The following SPSB4 variants were observed in gnomAD, a reference collection of about 807,000 sequenced individuals.
The protein encoded by SPSB4 is splA/ryanodine receptor domain and SOCS box containing 4, also known as SPRY domain-containing SOCS box protein 4.
A neutral mutation model predicts 20.9 loss-of-function variants in SPSB4; 21 were observed. That is an observed-to-expected ratio of 1.01 (90% CI 0.71 to 1.45). The LOEUF (loss-of-function observed/expected upper bound fraction) is 1.45, where lower values mean the gene tolerates loss of function less well. Among genes scored for constraint, SPSB4 ranks in the 40% most tolerant of loss-of-function variants. The probability of loss-of-function intolerance (pLI) is 0.00; values close to 1 mark genes in which losing one functional copy is unlikely to be tolerated. For synonymous variants in SPSB4, 207 were observed against 183.8 expected (o/e 1.13, Z -1.02); for missense variants, 399 against 399.2 (o/e 1.00, Z 0.00).
At chr3:141,108,397 T>TAG (rs1938734657) in intron 2 of SPSB4, among the ~76,000 whole-genome samples, 1 of 152,174 alleles carries the variant, frequency 6.6e-6, no homozygotes, top group Non-Finnish European at 1.5e-5. Context: ...CCTAATTGTA[T>TAG]TTTGCTCAAA....
chr3:141,054,895 G>A (rs190336198), intron 1 of SPSB4, among the ~76,000 whole-genome samples: 29 of 152,008 alleles, frequency 1.9e-4, no homozygotes, highest in African/African-American at 6.0e-4. Context: ...AACCTGGGAC[G>A]CAGAGCTTGC....
intron 2 of SPSB4, among the ~76,000 whole-genome samples, chr3:141,116,791 A>G (rs1938886704): frequency 6.6e-6 from 1 of 152,260 alleles, no homozygotes; most frequent in Non-Finnish European, 1.5e-5. Flanking sequence ...TTATTGCCAA[A>G]AAAATCAGTT....
At position 141,066,552 on chromosome 3, in the gene SPSB4, T is replaced by A; in HGVS notation, c.448T>A (p.Tyr150Asn). ...CTGGGACCTGGGCCGCAGCCGCCTC[T>A]ACCACGACGGCAAGAACCAGCCCGG... is the stretch of plus-strand genomic sequence containing the variant. ...WGWDLGRSRL[Y>N]HDGKNQPGVA... The change falls in exon 2 of 3, where the codon TAC becomes AAC. Residue 150 changes from tyrosine to asparagine, a missense_variant. Transcript: ENST00000310546. The A allele has an allele frequency of 6.5e-7, 1 of 1,529,416 alleles. No homozygotes were observed. The highest frequency in any genetic ancestry group is 8.8e-7 in the Non-Finnish European group (1 of 1,137,370). The allele number at this position is 1,529,416 out of a possible 1,614,324, so 94.7% of individuals were successfully genotyped here.
intron 1 of SPSB4, among the ~76,000 whole-genome samples, 189 bp downstream of exon 1, chr3:141,052,181 G>C (rs896040337): frequency 6.6e-6 from 1 of 152,200 alleles, no homozygotes; most frequent in Non-Finnish European, 1.5e-5. Context: ...GGCGTTTGGG[G>C]CCCGGCCTTT....
chr3:141,087,033 C>T (rs1938357277), intron 2 of SPSB4, among the ~76,000 whole-genome samples: 1 of 152,174 alleles, frequency 6.6e-6, no homozygotes, highest in Non-Finnish European at 1.5e-5. Context: ...ATAAAGGTGG[C>T]CCAGAGCTTC....
chr3:141,077,809 C>G (rs1938146019), intron 2 of SPSB4, among the ~76,000 whole-genome samples: 1 of 152,156 alleles, frequency 6.6e-6, no homozygotes, highest in Non-Finnish European at 1.5e-5. Context: ...AGTGAGGGCT[C>G]CTTTGGAAGC....
At chr3:141,129,823 A>G (rs1261616562) in intron 2 of SPSB4, among the ~76,000 whole-genome samples, 1 of 152,228 alleles carries the variant, frequency 6.6e-6, no homozygotes, top group Non-Finnish European at 1.5e-5. Context: ...AAGGCCATGC[A>G]TTATTTAGGA....
chr3:141,147,030 C>A (rs1318050344), intron 2 of SPSB4, 112 bp from the exon 3 acceptor site: 4 of 1,455,410 alleles, frequency 2.7e-6, no homozygotes, highest in Non-Finnish European at 3.8e-6. Flanking sequence ...AAGCCATTGA[C>A]CCTGAAGGCC....
chr3:141,120,978 C>T (rs76107713), intron 2 of SPSB4, among the ~76,000 whole-genome samples: 1 of 150,918 alleles, frequency 6.6e-6, no homozygotes, highest in African/African-American at 2.4e-5. Context: ...CTATTTTGCT[C>T]GTTAGTTGAT....
chr3:141,079,705 G>C (rs1342821375), intron 2 of SPSB4, among the ~76,000 whole-genome samples: 1 of 152,220 alleles, frequency 6.6e-6, no homozygotes, highest in African/African-American at 2.4e-5. Flanking sequence ...ACATGCTTAT[G>C]AAAATTCATA....
chr3:141,137,010 C>T (rs370510151), intron 2 of SPSB4, among the ~76,000 whole-genome samples: 13,028 of 151,840 alleles, frequency 0.086, 648 homozygotes, highest in East Asian at 0.14. Context: ...TCCTCTTTTA[C>T]TTCATTGAGC....
chr3:141,124,400 T>A (rs922476), intron 2 of SPSB4, among the ~76,000 whole-genome samples: 10,618 of 152,242 alleles, frequency 0.07, 749 homozygotes, highest in Admixed American at 0.22. Flanking sequence ...ACAGAATATT[T>A]CAAACCAGGA....
intron 2 of SPSB4, among the ~76,000 whole-genome samples, chr3:141,126,341 C>T (rs1576539826): frequency 2.0e-5 from 3 of 152,166 alleles, no homozygotes; most frequent in Non-Finnish European, 4.4e-5. Context: ...AGCCTTTCAT[C>T]CCTGAGGCCC....
intron 2 of SPSB4, among the ~76,000 whole-genome samples, chr3:141,103,115 A>T (rs1421675314): frequency 6.6e-6 from 1 of 152,234 alleles, no homozygotes; most frequent in Non-Finnish European, 1.5e-5. Context: ...ACAGGGCTTT[A>T]GGAATCCCAG....
intron 2 of SPSB4, among the ~76,000 whole-genome samples, chr3:141,103,844 TC>T (rs1280530152): frequency 2.6e-5 from 4 of 151,484 alleles, no homozygotes; most frequent in African/African-American, 9.8e-5. Context: ...TTTTTTTTTT[TC>T]CTTCTAATTC....
chr3:141,127,384 G>A (rs888887306), intron 2 of SPSB4, among the ~76,000 whole-genome samples: 4 of 152,210 alleles, frequency 2.6e-5, no homozygotes, highest in Admixed American at 1.3e-4. Context: ...AGTTCAGCCA[G>A]TCCTGCCTTT....
chr3:141,103,359 G>A (rs1366010890), intron 2 of SPSB4, among the ~76,000 whole-genome samples: 1 of 152,156 alleles, frequency 6.6e-6, no homozygotes, highest in Non-Finnish European at 1.5e-5. Flanking sequence ...GGGGCCCCAC[G>A]ACAGGGAGCA....
rs1342421648 is a variant in SPSB4 at position 141,066,278 on chromosome 3, C to A, written c.174C>A (p.Pro58=). ...LAVQLRHAWN[P]EDRSLNVFVK... Reference sequence around the variant, plus strand: ...TGCAGCTGCGGCACGCGTGGAACCCCGAGGACCGCTCGCTCAACGTCTTCG... The same window carrying A: ...TGCAGCTGCGGCACGCGTGGAACCCAGAGGACCGCTCGCTCAACGTCTTCG... Residue 58 remains proline (P), a synonymous_variant, in exon 2 of 3, where the codon CCC becomes CCA. Coordinates refer to ENST00000310546, the MANE Select transcript of SPSB4 (RefSeq NM_080862.3). The A allele has an allele frequency of 1.9e-6, 3 of 1,562,994 alleles. No individual in the cohort carries two copies. In the South Asian group the frequency reaches 3.5e-5, roughly 18 times the overall value.
intron 2 of SPSB4, among the ~76,000 whole-genome samples, chr3:141,103,247 G>A (rs1485096173): frequency 3.9e-5 from 6 of 152,168 alleles, no homozygotes; most frequent in African/African-American, 1.4e-4. Context: ...TCTAAAGCAG[G>A]AGCTGATAAC....
Sources: gnomAD v4.1 joint callset for allele counts (sites outside exome capture counted in the v4.1 genomes callset) on GRCh38, gnomAD v4.1.1 for gene constraint, MANE v1.5 for transcripts, NCBI Gene and HGNC (gene_info 2026-07-23, HGNC 2026-07-21) for gene names.